Variants in U2SURP observed in about 807,000 individuals in gnomAD.
The protein encoded by U2SURP is U2 snRNP associated SURP domain containing.
Under a neutral mutation model 144.9 loss-of-function variants are expected in U2SURP, and 9 were observed. That is an observed-to-expected ratio of 0.06 (90% confidence interval 0.04 to 0.11). U2SURP has a LOEUF of 0.11. U2SURP is among the 10% of genes least tolerant of loss of function. U2SURP has a pLI of 1.00. For synonymous variants in U2SURP, 408 were observed against 396.8 expected, an observed-to-expected ratio of 1.03 and a Z score of -0.33; for missense variants, 724 against 1,226.7, an observed-to-expected ratio of 0.59 and a Z score of 6.12.
chr3:143,007,868 A>C (rs913651573), intron 1 of U2SURP, among the ~76,000 whole-genome samples: 6 of 152,224 alleles, frequency 3.9e-5, no homozygotes, highest in Non-Finnish European at 8.8e-5. Flanking sequence ...CTTCTGAAGT[A>C]GTGCTATATT....
At chr3:143,046,347 A>G (rs1379670446) in intron 24 of U2SURP, among the ~76,000 whole-genome samples, 1 of 70,262 alleles carries the variant, frequency 1.4e-5, no homozygotes, top group Non-Finnish European at 2.8e-5. Flanking sequence ...TTTATTGATC[A>G]TTCTTGGGTG....
chr3:143,045,768 C>T (rs2353410), intron 24 of U2SURP, among the ~76,000 whole-genome samples: 5,652 of 152,302 alleles, frequency 0.037, 172 homozygotes, highest in East Asian at 0.084. Flanking sequence ...AGTTGTCTTT[C>T]TGGGATTTGG....
At chr3:143,008,762 T>C (rs1482367032) in intron 1 of U2SURP, among the ~76,000 whole-genome samples, 1 of 152,242 alleles carries the variant, frequency 6.6e-6, no homozygotes, top group Non-Finnish European at 1.5e-5. Flanking sequence ...GCAATTGAGT[T>C]TTTTTTGTTA....
chr3:143,031,820 A>G (rs1461552570), intron 16 of U2SURP, among the ~76,000 whole-genome samples: 1 of 152,188 alleles, frequency 6.6e-6, no homozygotes, highest in African/African-American at 2.4e-5. Context: ...ATTGCCTATG[A>G]GAGCATTTGG....
intron 4 of U2SURP, among the ~76,000 whole-genome samples, chr3:143,015,179 A>G (rs1321936790): frequency 6.6e-6 from 1 of 152,100 alleles, no homozygotes; most frequent in Non-Finnish European, 1.5e-5. Flanking sequence ...ATGGTATCTC[A>G]GTGTAGTTTT....
intron 25 of U2SURP, among the ~76,000 whole-genome samples, chr3:143,052,456 C>T (rs1399989586): frequency 6.6e-6 from 1 of 152,168 alleles, no homozygotes; most frequent in South Asian, 2.1e-4. Context: ...CCTTGAGATG[C>T]TCACTGTTCT....
At chr3:143,006,208 A>C (rs1171950170) in intron 1 of U2SURP, among the ~76,000 whole-genome samples, 1 of 152,170 alleles carries the variant, frequency 6.6e-6, no homozygotes, top group Admixed American at 6.5e-5. Flanking sequence ...TTGTTATTTA[A>C]CTTTATTTAT....
chr3:143,017,011 A>C lies in U2SURP; in HGVS notation c.570+36A>C, dbSNP rs545802227. The C allele has an allele frequency of 3.3e-6, 5 of 1,537,170 alleles. No individual in the cohort carries two copies. In the East Asian group the frequency reaches 1.2e-4, roughly 37 times the overall value. On this transcript the variant is annotated intron_variant, in intron 6 of 27. Transcript: ENST00000473835. ...CTTAAGTAATTGACCATTTATGTTC[A>C]GAGATGACACTGCCAGTGATACTTC...
intron 8 of U2SURP, 141 bp from the exon 9 acceptor site, chr3:143,021,209 C>T: frequency 1.0e-6 from 1 of 964,482 alleles, no homozygotes; most frequent in Non-Finnish European, 1.6e-6. Flanking sequence ...ACAACAACAA[C>T]AACAGAGTTG....
intron 20 of U2SURP, among the ~76,000 whole-genome samples, chr3:143,036,534 C>T (rs1341405886): frequency 1.3e-5 from 2 of 151,918 alleles, no homozygotes; most frequent in African/African-American, 4.8e-5. Flanking sequence ...ATTACTGAAT[C>T]CTTAATGTTT....
At chr3:143,020,979 G>A (rs937885090) in intron 8 of U2SURP, among the ~76,000 whole-genome samples, 4 of 152,162 alleles carry the variant, frequency 2.6e-5, no homozygotes, top group Admixed American at 2.6e-4. Context: ...ATTACCTAAG[G>A]TCAGGAGTTC....
intron 23 of U2SURP, 143 bp downstream of exon 23, chr3:143,039,103 G>T (rs1933962924): frequency 9.8e-6 from 5 of 512,000 alleles, no homozygotes; most frequent in Non-Finnish European, 1.6e-5. Context: ...TTCTCCATTG[G>T]TTTTCCAGTG....
rs868535437 is a variant in U2SURP, at chr3:143,004,577, C to A, written c.45+2904C>A. Among the ~76,000 whole-genome samples, 518 of 76,956 alleles carry A rather than the reference C, an allele frequency of 6.7e-3. 101 individuals are homozygous for A. Among genetic ancestry groups the A allele is most frequent in the African/African-American group, 0.027 (320 of 11,824 alleles). 50.5% of individuals were successfully genotyped at this position (76,956 alleles called of 152,430 possible). On this transcript the variant is annotated intron_variant, in intron 1 of 27. Coordinates refer to ENST00000473835, the MANE Select transcript of U2SURP (RefSeq NM_001080415.2). ...TGTTGGCCTCTTGACCTTGTGACCC[C>A]CCCCCCCCGCCTCGGCCTCCCAAAG... is the stretch of plus-strand genomic sequence containing the variant.
rs76029223 is a variant in U2SURP, at chr3:143,028,136, G to A, written c.1380-204G>A. On this transcript the variant is annotated intron_variant, in intron 14 of 27. Transcript: ENST00000473835. Reference sequence around the variant, plus strand: ...TGATGCATGCCTTCTGAGTATTAATGTCAGTCACTAAGGCAGTCTAGGGCT... The same window carrying A: ...TGATGCATGCCTTCTGAGTATTAATATCAGTCACTAAGGCAGTCTAGGGCT... Among the ~76,000 whole-genome samples the A allele has an allele frequency of 6.4e-3, 980 of 152,252 alleles. 9 individuals are homozygous for A. Among genetic ancestry groups the A allele is most frequent in the African/African-American group, 0.022 (930 of 41,546 alleles).
At chr3:143,054,743 T>A (rs1935057238) in intron 26 of U2SURP, among the ~76,000 whole-genome samples, 200 bp from the exon 27 acceptor site, 1 of 152,252 alleles carries the variant, frequency 6.6e-6, no homozygotes. Flanking sequence ...TTTAGTTGAA[T>A]TCAGTTGTTG....
At position 143,007,288 on chromosome 3, in the gene U2SURP, C is replaced by CT. The variant is rs143610863; in HGVS notation, c.46-3514dup. The stretch of plus-strand genomic sequence containing the variant: ...TCCTTTTGTATTTTTCTTTTCTTTT[C>CT]TTTTTTTTTTTTTCCAGAGACAGGG... On this transcript the variant is annotated intron_variant, in intron 1 of 27. Transcript: ENST00000473835. Among the ~76,000 whole-genome samples, 574 of 148,526 alleles carry CT rather than the reference C, an allele frequency of 3.9e-3. 4 individuals carry two copies. The highest frequency in any genetic ancestry group is 0.01 in the African/African-American group (423 of 40,334).
chr3:143,003,225 T>C (rs1935629437), intron 1 of U2SURP, among the ~76,000 whole-genome samples: 2 of 152,254 alleles, frequency 1.3e-5, no homozygotes, highest in South Asian at 4.1e-4. Context: ...TCTGTTTATA[T>C]TGCCTTAGAT....
At chr3:143,047,963 G>A (rs1422292370) in intron 24 of U2SURP, among the ~76,000 whole-genome samples, 2 of 152,136 alleles carry the variant, frequency 1.3e-5, no homozygotes, top group Admixed American at 1.3e-4. Flanking sequence ...TGCCTAGGCT[G>A]GAGTTTCCTT....
chr3:143,022,395 T>A, intron 10 of U2SURP, 102 bp from the exon 11 acceptor site: 1 of 1,133,826 alleles, frequency 8.8e-7, no homozygotes, highest in Non-Finnish European at 1.2e-6. Context: ...TGAAGCACGT[T>A]GCTATGTTGC....
Sources: allele counts gnomAD v4.1 joint callset (sites outside exome capture counted in the v4.1 genomes callset), GRCh38; gene constraint gnomAD v4.1.1; transcripts MANE v1.5; gene names NCBI Gene and HGNC (gene_info 2026-07-23, HGNC 2026-07-21).